Variants in LGR6 observed in about 807,000 individuals in gnomAD.
LGR6 encodes leucine rich repeat containing G protein-coupled receptor 6.
A neutral mutation model predicts 69.4 loss-of-function variants in LGR6; 45 were observed. The observed-to-expected ratio is 0.65, with a 90% CI of 0.51 to 0.83. The LOEUF (loss-of-function observed/expected upper bound fraction) is 0.83, where lower values mean the gene tolerates loss of function less well. LGR6 is among the 40% of genes least tolerant of loss of function. The pLI, the probability that LGR6 is intolerant of heterozygous loss-of-function variation, is 0.00. For synonymous variants in LGR6, 538 were observed against 555.0 expected, an observed-to-expected ratio of 0.97 and a Z score of 0.43; for missense variants, 1,108 against 1,246.7, an observed-to-expected ratio of 0.89 and a Z score of 1.68.
chr1:202,303,251 C>T (rs765950046), intron 9 of LGR6, 28 bp from the exon 10 acceptor site: 4 of 1,560,180 alleles, frequency 2.6e-6, no homozygotes, highest in Non-Finnish European at 1.8e-6. Flanking sequence ...TGACCCCACC[C>T]CTCAGAGCTC....
chr1:202,237,139 G>A (rs780966705), intron 4 of LGR6, among the ~76,000 whole-genome samples: 3 of 152,112 alleles, frequency 2.0e-5, no homozygotes, highest in South Asian at 2.1e-4. Flanking sequence ...TCGATCGATC[G>A]GCCCCAGTGG....
intron 4 of LGR6, among the ~76,000 whole-genome samples, chr1:202,251,631 G>C (rs1250775465): frequency 6.6e-6 from 1 of 152,158 alleles, no homozygotes; most frequent in Non-Finnish European, 1.5e-5. Flanking sequence ...CAGCTGACAG[G>C]AATGAGGCTG....
intron 4 of LGR6, among the ~76,000 whole-genome samples, chr1:202,262,861 T>G (rs925053507): frequency 6.6e-6 from 1 of 152,244 alleles, no homozygotes; most frequent in Non-Finnish European, 1.5e-5. Context: ...TTTGCTTTTT[T>G]AATTTACTTC....
intron 4 of LGR6, among the ~76,000 whole-genome samples, chr1:202,240,577 G>A (rs1662103562): frequency 6.6e-6 from 1 of 151,992 alleles, no homozygotes; most frequent in Non-Finnish European, 1.5e-5. Flanking sequence ...TGTGTGTGTT[G>A]GTGGGAAGAG....
At chr1:202,234,127 CAG>C (rs1362125881) in intron 3 of LGR6, among the ~76,000 whole-genome samples, 1 of 152,230 alleles carries the variant, frequency 6.6e-6, no homozygotes, top group African/African-American at 2.4e-5. Flanking sequence ...TTCAGGAACA[CAG>C]AGTTTGCATG....
At chr1:202,205,500 GCTTCAAACACACACACCCTC>G (rs1659168437) in intron 1 of LGR6, among the ~76,000 whole-genome samples, 1 of 1,046 alleles carries the variant, frequency 9.6e-4, no homozygotes, top group Admixed American at 8.8e-3. Flanking sequence ...CACACACCCT[GCTTCAAACACACACACCCTC>G]CTTCAAGCAC....
At chr1:202,276,092 T>A (rs981883588) in intron 4 of LGR6, among the ~76,000 whole-genome samples, 6 of 152,056 alleles carry the variant, frequency 3.9e-5, no homozygotes, top group Non-Finnish European at 8.8e-5. Flanking sequence ...AGACTCTGTC[T>A]CCCAACAACA....
At chr1:202,281,021 A>C in intron 6 of LGR6, 169 bp downstream of exon 6, 6 of 595,678 alleles carry the variant, frequency 1.0e-5, no homozygotes, top group Non-Finnish European at 1.5e-5. Context: ...CTGGAATATC[A>C]CTGAGAATGA....
At chr1:202,295,870 AGTGTGTGTGT>A (rs10522809) in intron 6 of LGR6, among the ~76,000 whole-genome samples, 6,612 of 143,998 alleles carry the variant, frequency 0.046, 171 homozygotes, top group Non-Finnish European at 0.06. Context: ...TTGGGTAATT[AGTGTGTGTGT>A]GTGTGTGTGT....
At chr1:202,256,796 CTT>C (rs747925291) in intron 4 of LGR6, among the ~76,000 whole-genome samples, 1 of 152,204 alleles carries the variant, frequency 6.6e-6, no homozygotes, top group Non-Finnish European at 1.5e-5. Context: ...CTGTCAAACT[CTT>C]TTCCAAAGTG....
intron 4 of LGR6, among the ~76,000 whole-genome samples, chr1:202,241,855 C>G (rs192986091): frequency 1.3e-5 from 2 of 152,174 alleles, no homozygotes; most frequent in Admixed American, 6.5e-5. Flanking sequence ...ATGCATAATG[C>G]GAAGGACAGC....
intron 3 of LGR6, among the ~76,000 whole-genome samples, chr1:202,229,559 C>T (rs376608278): frequency 1.3e-5 from 2 of 152,236 alleles, no homozygotes; most frequent in Non-Finnish European, 2.9e-5. Context: ...CCTAAGACTC[C>T]GGCTTAGAGA....
intron 15 of LGR6, 77 bp from the exon 16 acceptor site, chr1:202,310,120 A>C: frequency 6.8e-7 from 1 of 1,473,352 alleles, no homozygotes; most frequent in Non-Finnish European, 9.3e-7. Flanking sequence ...CCTGGGTTGC[A>C]GATCTCTTAA....
At chr1:202,244,502 C>T (rs966588872) in intron 4 of LGR6, among the ~76,000 whole-genome samples, 11 of 152,138 alleles carry the variant, frequency 7.2e-5, no homozygotes, top group African/African-American at 4.8e-5. Flanking sequence ...GCTTCTTTGC[C>T]TCTTCCAGCT....
At chr1:202,291,321 A>G (rs189592479) in intron 6 of LGR6, among the ~76,000 whole-genome samples, 88 of 152,322 alleles carry the variant, frequency 5.8e-4, no homozygotes, top group African/African-American at 2.0e-3. Context: ...ATAATAGTCT[A>G]TTAAGCCATG....
At chr1:202,251,941 G>A (rs1481630879) in intron 4 of LGR6, among the ~76,000 whole-genome samples, 1 of 152,038 alleles carries the variant, frequency 6.6e-6, no homozygotes, top group Non-Finnish European at 1.5e-5. Context: ...AGGGGATGAG[G>A]GGGAGATTGG....
At chr1:202,218,748 G>A (rs550557476) in intron 1 of LGR6, among the ~76,000 whole-genome samples, 75 of 152,222 alleles carry the variant, frequency 4.9e-4, no homozygotes, top group Non-Finnish European at 7.4e-4. Flanking sequence ...CATTCTGCCC[G>A]GGAAGCCTTC....
chr1:202,236,814 A>G (rs760620587), intron 4 of LGR6, among the ~76,000 whole-genome samples: 3 of 152,130 alleles, frequency 2.0e-5, no homozygotes, highest in Non-Finnish European at 4.4e-5. Context: ...ACTGAGTCAT[A>G]GTGGGCATGC....
Position 202,302,263 on chromosome 1 carries a change from A to G in LGR6, c.930-1016A>G, listed in dbSNP as rs191212160. ...ACTTTCACGTTCATTACGGCATTTCATCTTCATCGTAACCCTGTGAGGTAG... is the reference window on the plus strand; with the variant it reads ...ACTTTCACGTTCATTACGGCATTTCGTCTTCATCGTAACCCTGTGAGGTAG... On this transcript the variant is annotated intron_variant, in intron 9 of 17. Transcript: ENST00000367278. Among the ~76,000 whole-genome samples the G allele has an allele frequency of 6.4e-3, 975 of 152,300 alleles. 5 individuals are homozygous for G. The highest frequency in any genetic ancestry group is 0.017 in the Middle Eastern group (5 of 294).
Sources: allele counts gnomAD v4.1 joint callset (sites outside exome capture counted in the v4.1 genomes callset), GRCh38; gene constraint gnomAD v4.1.1; transcripts MANE v1.5; gene names NCBI Gene and HGNC (gene_info 2026-07-23, HGNC 2026-07-21).